EEA1: variants seen among roughly 807,000 people sequenced by gnomAD.
The protein encoded by EEA1 is early endosome antigen 1, 162kD.
In EEA1, 111 loss-of-function variants were observed where a neutral mutation model predicts 209.2. The ratio of observed to expected loss-of-function variants is 0.53; its 90% CI spans 0.45 to 0.62. The LOEUF is 0.62. Among genes scored for constraint, EEA1 ranks in the 20% least tolerant of loss-of-function variants. The pLI is 0.00. For missense variants in EEA1, 1,343 were observed against 1,530.8 expected, an observed-to-expected ratio of 0.88 and a Z score of 2.05; for synonymous variants, 536 against 540.6, an observed-to-expected ratio of 0.99 and a Z score of 0.12.
intron 1 of EEA1, among the ~76,000 whole-genome samples, chr12:92,906,299 GC>G: frequency 1.3e-5 from 2 of 151,878 alleles, no homozygotes; most frequent in South Asian, 4.2e-4. Flanking sequence ...TTGCCATGTT[GC>G]CCAGGCTGGT....
intron 5 of EEA1, among the ~76,000 whole-genome samples, chr12:92,855,263 A>G (rs930761262): frequency 1.3e-5 from 2 of 152,218 alleles, no homozygotes; most frequent in African/African-American, 2.4e-5. Flanking sequence ...CCCCGTCTCT[A>G]CTAAAAATAC....
chr12:92,844,765 T>A (rs1877320866), intron 9 of EEA1, among the ~76,000 whole-genome samples: 1 of 152,072 alleles, frequency 6.6e-6, no homozygotes, highest in Non-Finnish European at 1.5e-5. Flanking sequence ...GTAAATATCT[T>A]ATCAAAAAAA....
intron 1 of EEA1, among the ~76,000 whole-genome samples, chr12:92,901,848 C>A (rs1484374379): frequency 6.6e-6 from 1 of 152,122 alleles, no homozygotes; most frequent in Non-Finnish European, 1.5e-5. Flanking sequence ...GGATTACAGG[C>A]ATGAGCCACC....
chr12:92,804,537 A>G (rs1875093448), intron 18 of EEA1, among the ~76,000 whole-genome samples: 1 of 144,174 alleles, frequency 6.9e-6, no homozygotes, highest in South Asian at 2.2e-4. Flanking sequence ...ACGCCACTGC[A>G]TTCCAGCCTG....
chr12:92,787,416 GT>G (rs1193057086), intron 22 of EEA1, among the ~76,000 whole-genome samples: 1 of 152,042 alleles, frequency 6.6e-6, no homozygotes, highest in Non-Finnish European at 1.5e-5. Flanking sequence ...TTAAGGGTAA[GT>G]TTATTTTGAG....
At chr12:92,777,903 A>G (rs1291445185) in intron 26 of EEA1, 38 bp downstream of exon 26, 2 of 1,562,420 alleles carry the variant, frequency 1.3e-6, no homozygotes, top group Non-Finnish European at 1.8e-6. Flanking sequence ...TTTATCACTT[A>G]CAATGGAAAT....
intron 1 of EEA1, among the ~76,000 whole-genome samples, chr12:92,911,393 C>T (rs978227337): frequency 6.6e-6 from 1 of 152,138 alleles, no homozygotes; most frequent in Non-Finnish European, 1.5e-5. Context: ...TCTGAAAATG[C>T]TACATACTGT....
chr12:92,896,678 C>T (rs1436809250), intron 1 of EEA1, among the ~76,000 whole-genome samples: 1 of 152,026 alleles, frequency 6.6e-6, no homozygotes, highest in Non-Finnish European at 1.5e-5. Flanking sequence ...TGGTGCGTGC[C>T]TGTAATCCCA....
chr12:92,898,432 G>C (rs112898135), intron 1 of EEA1, among the ~76,000 whole-genome samples: 2,419 of 152,230 alleles, frequency 0.016, 28 homozygotes, highest in East Asian at 0.04. Flanking sequence ...GGGAGGCTGA[G>C]GTGGGTGGAT....
chr12:92,784,495 G>C (rs933528842), intron 22 of EEA1, among the ~76,000 whole-genome samples: 1 of 152,172 alleles, frequency 6.6e-6, no homozygotes, highest in African/African-American at 2.4e-5. Context: ...ACGCTTGCTA[G>C]AGCCTGGAAA....
Position 92,819,289 on chromosome 12 carries a change from A to G in EEA1, c.1728+19T>C. On this transcript the variant is annotated intron_variant, in intron 14 of 28. Transcript: ENST00000322349. ...GACAGAAGTAAATTTTACAAATATA[A>G]TATATTTTACAAGCTTACTTGCTCC... 1 of 1,553,056 alleles carries G rather than the reference A, an allele frequency of 6.4e-7. No individual in the cohort carries two copies.
Position 92,851,191 on chromosome 12 carries a change from T to A in EEA1, c.718A>T (p.Met240Leu). ...GATTCTCGCTCACGTTCCAAGGTCA[T>A]GTTATCCATTAGTGTTTGAACTTGG... ...LVQVQTLMDN[M>L]TLERERESEK... The change falls in exon 9 of 29, where the codon ATG becomes TTG. Residue 240 changes from methionine (M) to leucine (L), a missense_variant. By Grantham distance (15) the Met-to-Leu change is conservative. Around this residue, in one of 3 missense-constraint regions of EEA1, gnomAD observed 1,307 missense variants for 1,465.5 expected, o/e 0.89. Coordinates refer to ENST00000322349, the MANE Select transcript of EEA1 (RefSeq NM_003566.4). The A allele has an allele frequency of 6.2e-7, 1 of 1,614,018 alleles. No individual in the cohort carries two copies.
intron 1 of EEA1, among the ~76,000 whole-genome samples, chr12:92,906,797 G>C (rs1592771466): frequency 6.6e-6 from 1 of 152,082 alleles, no homozygotes; most frequent in East Asian, 1.9e-4. Context: ...CTGGGTGACA[G>C]AGCTAGACTC....
chr12:92,842,370 T>C (rs1447362458), intron 10 of EEA1, 95 bp downstream of exon 10: 6 of 650,346 alleles, frequency 9.2e-6, no homozygotes, highest in Non-Finnish European at 1.6e-5. Context: ...ATAAGTCACA[T>C]TGTACTATGC....
At chr12:92,817,700 T>C (rs1415781009) in intron 14 of EEA1, among the ~76,000 whole-genome samples, 2 of 152,218 alleles carry the variant, frequency 1.3e-5, no homozygotes, top group Admixed American at 1.3e-4. Flanking sequence ...TTCACATGTG[T>C]AGTAATCTTT....
chr12:92,784,998 T>C (rs1042685526), intron 22 of EEA1, among the ~76,000 whole-genome samples: 3 of 149,552 alleles, frequency 2.0e-5, no homozygotes, highest in Non-Finnish European at 4.4e-5. Context: ...GTTGTTTTTG[T>C]CTATTCAGCA....
At chr12:92,870,613 A>AT (rs1156654389) in intron 2 of EEA1, among the ~76,000 whole-genome samples, 1 of 151,962 alleles carries the variant, frequency 6.6e-6, no homozygotes, top group Non-Finnish European at 1.5e-5. Flanking sequence ...CTAACGCTGT[A>AT]TATTTTCCTG....
At chr12:92,803,118 CAG>C (rs1310877538) in intron 18 of EEA1, among the ~76,000 whole-genome samples, 1 of 152,042 alleles carries the variant, frequency 6.6e-6, no homozygotes, top group African/African-American at 2.4e-5. Context: ...TTCTCCAACA[CAG>C]AGAGAACTTT....
intron 10 of EEA1, among the ~76,000 whole-genome samples, chr12:92,833,799 A>C (rs375966562): frequency 3.5e-4 from 53 of 152,312 alleles, no homozygotes; most frequent in African/African-American, 1.2e-3. Flanking sequence ...AACAAACAAC[A>C]ACCACAAAAA....
Sources: allele counts gnomAD v4.1 joint callset (sites outside exome capture counted in the v4.1 genomes callset), GRCh38; gene constraint gnomAD v4.1.1; regional missense constraint gnomAD v4.1.1; transcripts MANE v1.5; gene names NCBI Gene and HGNC (gene_info 2026-07-23, HGNC 2026-07-21).